Variants in PDE6G observed in about 807,000 individuals in gnomAD.
The protein encoded by PDE6G is phosphodiesterase 6G, also known as rod cGMP 3',5'-cyclic phosphodiesterase subunit gamma.
In PDE6G, 10 loss-of-function variants were observed where a neutral mutation model predicts 10.9. That is an observed-to-expected ratio of 0.91 (90% confidence interval 0.56 to 1.55). PDE6G has a LOEUF of 1.55. Ranked by LOEUF, PDE6G falls within the 40% of genes most tolerant of loss-of-function variation. The pLI is 0.00. For missense variants in PDE6G, 102 were observed against 110.1 expected, an observed-to-expected ratio of 0.93 and a Z score of 0.33; for synonymous variants, 41 against 42.8, an observed-to-expected ratio of 0.96 and a Z score of 0.16.
In PDE6G at chr17:81,653,814, T is replaced by G. The variant is rs2036406610; in HGVS notation, c.-59-450A>C. ...ACTGCTACTCTGGGTTTTTTTTTGT[T>G]TTGTTTTGTTTTTGAGACAGAGTTT... On this transcript the variant is annotated intron_variant, in intron 1 of 3. Transcript: ENST00000331056. This position sits in a 1 kb window ranked among gnomAD's most constrained non-coding sequence, Gnocchi z 5.2. 1 of 163,062 alleles carries G rather than the reference T, an allele frequency of 6.1e-6. No individual in the cohort carries two copies. The highest frequency in any genetic ancestry group is 2.4e-5 in the African/African-American group (1 of 41,600). The allele number at this position is 163,062 out of a possible 1,614,324, so 10.1% of individuals were successfully genotyped here.
intron 1 of PDE6G, among the ~76,000 whole-genome samples, chr17:81,655,425 G>T (rs1313145667): frequency 6.6e-6 from 1 of 152,246 alleles, no homozygotes; most frequent in Non-Finnish European, 1.5e-5. Flanking sequence ...TCGGGGAGCA[G>T]GGTCACCCGC....
chr17:81,654,866 G>T (rs2036422791), intron 1 of PDE6G, among the ~76,000 whole-genome samples: 1 of 151,556 alleles, frequency 6.6e-6, no homozygotes, highest in Non-Finnish European at 1.5e-5. Flanking sequence ...TCCTGCCTCA[G>T]CCTCCCCAGT....
At chr17:81,659,382 T>C (rs1458833274), upstream of PDE6G, among the ~76,000 whole-genome samples, 1 of 152,022 alleles carries the variant, frequency 6.6e-6, no homozygotes, top group Non-Finnish European at 1.5e-5. Flanking sequence ...CTGGACCACC[T>C]GAGGTCAGGA....
intron 1 of PDE6G, among the ~76,000 whole-genome samples, chr17:81,662,415 G>C (rs2036520847): frequency 6.6e-6 from 1 of 152,176 alleles, no homozygotes; most frequent in Non-Finnish European, 1.5e-5. Context: ...TTGAGGTCAG[G>C]AGTTGGAGAC....
At chr17:81,652,765 G>A (rs1380242088) in intron 2 of PDE6G, among the ~76,000 whole-genome samples, 1 of 91,120 alleles carries the variant, frequency 1.1e-5, no homozygotes, top group African/African-American at 4.7e-5. Flanking sequence ...AGTAGAGACA[G>A]GTTTCTCCAT....
chr17:81,654,379 C>CTTTT lies in PDE6G; in HGVS notation c.-59-1019_-59-1016dup, dbSNP rs11431043. On this transcript the variant is annotated intron_variant, in intron 1 of 3. Transcript: ENST00000331056. ...TCTCCCGGGCTGTTGCCCTCTGATT[C>CTTTT]TTTTTTTTTTTTTTTTTTGAGACAG... Among the ~76,000 whole-genome samples the CTTTT allele has an allele frequency of 4.7e-5, 6 of 128,420 alleles. 1 individual carries two copies. The highest frequency in any genetic ancestry group is 4.7e-4 in the East Asian group (2 of 4,292). 84.2% of individuals were successfully genotyped at this position (128,420 alleles called of 152,430 possible).
Position 81,651,755 on chromosome 17 carries a change from C to G in PDE6G, c.147-70G>C, listed in dbSNP as rs2036360010. 6.6e-6 allele frequency: 10 copies of G among 1,512,442 alleles called. No individual in the cohort carries two copies. Among genetic ancestry groups the G allele is most frequent in the Non-Finnish European group, 9.1e-6 (10 of 1,096,056 alleles). The allele number at this position is 1,512,442 out of a possible 1,614,324, so 93.7% of individuals were successfully genotyped here. A position where few individuals can be genotyped will look rare whatever the true frequency, so the allele number is the denominator to read the frequency against. On this transcript the variant is annotated intron_variant, in intron 2 of 3. Transcript: ENST00000331056. The surrounding 1 kb of genome is among the most constrained non-coding windows in gnomAD (Gnocchi z 4.8). Reference sequence around the variant, plus strand: ...GCTCAGTCAGCCTGAGGCCCGAGGTCATCTCTAGCCTTCCTAGGAGATGAG... The same window carrying G: ...GCTCAGTCAGCCTGAGGCCCGAGGTGATCTCTAGCCTTCCTAGGAGATGAG...
chr17:81,658,702 G>A (rs995788645), upstream of PDE6G, among the ~76,000 whole-genome samples: 1 of 151,770 alleles, frequency 6.6e-6, no homozygotes, highest in Admixed American at 6.6e-5. Flanking sequence ...TTAGCTGGGC[G>A]TGGTGGCATG....
At position 81,650,940 on chromosome 17, in the gene PDE6G, C is replaced by T; in HGVS notation, c.*134G>A. On this transcript the variant is annotated 3_prime_UTR_variant, in exon 4 of 4. Transcript: ENST00000331056. ...CTGGTATTAATATGTAGGGGGAGACCTGAGGTTGCAGTCCCATCCTGGTGT... is the reference window on the plus strand; with the variant it reads ...CTGGTATTAATATGTAGGGGGAGACTTGAGGTTGCAGTCCCATCCTGGTGT... 1 of 728,820 alleles carries T rather than the reference C, an allele frequency of 1.4e-6. No individual in the cohort carries two copies. Among genetic ancestry groups the T allele is most frequent in the Non-Finnish European group, 2.5e-6 (1 of 396,122 alleles). The allele number at this position is 728,820 out of a possible 1,614,324, so 45.1% of individuals were successfully genotyped here.
Position 81,651,509 on chromosome 17 carries a change from G to A in PDE6G, c.187+136C>T, listed in dbSNP as rs1261350335. The A allele has an allele frequency of 1.3e-6, 1 of 771,916 alleles. No homozygotes were observed. The highest frequency in any genetic ancestry group is 2.3e-6 in the Non-Finnish European group (1 of 438,332). The allele number at this position is 771,916 out of a possible 1,614,324, so 47.8% of individuals were successfully genotyped here. A position where few individuals can be genotyped will look rare whatever the true frequency, so the allele number is the denominator to read the frequency against. On this transcript the variant is annotated intron_variant, in intron 3 of 3. Coordinates refer to ENST00000331056, the MANE Select transcript of PDE6G (RefSeq NM_002602.4). The surrounding 1 kb of genome is among the most constrained non-coding windows in gnomAD (Gnocchi z 4.8). The stretch of plus-strand genomic sequence containing the variant: ...GGAGCTCAGTGTTGGGGGAAGAAGT[G>A]ATGGACAGGCTGGGGGTCCCTAAGT...
upstream of PDE6G, among the ~76,000 whole-genome samples, chr17:81,657,676 C>T (rs1007487370): frequency 4.0e-5 from 6 of 151,536 alleles, no homozygotes; most frequent in African/African-American, 1.5e-4. Flanking sequence ...GTCAGGAGAT[C>T]GAGACCATCC....
rs902877500 is a variant in PDE6G at position 81,651,626 on chromosome 17, G to C, written c.187+19C>G. The C allele has an allele frequency of 6.2e-7, 1 of 1,613,418 alleles. No individual in the cohort carries two copies. The highest frequency in any genetic ancestry group is 8.5e-7 in the Non-Finnish European group (1 of 1,179,478). ...GGGGACCTGGGCAGACCTCGGGTTG[G>C]TACTGGCAGCCGTCATACCTGTTCC... On this transcript the variant is annotated intron_variant, in intron 3 of 3. Coordinates refer to ENST00000331056, the MANE Select transcript of PDE6G (RefSeq NM_002602.4). This position sits in a 1 kb window ranked among gnomAD's most constrained non-coding sequence, Gnocchi z 4.8.
chr17:81,652,286 T>A (rs1248745373), intron 2 of PDE6G, among the ~76,000 whole-genome samples: 3 of 152,156 alleles, frequency 2.0e-5, no homozygotes, highest in Non-Finnish European at 2.9e-5. Context: ...GTATTTTTTT[T>A]ATTTATTTGA....
At chr17:81,661,314 C>T (rs1328041034), upstream of PDE6G, among the ~76,000 whole-genome samples, 3 of 152,140 alleles carry the variant, frequency 2.0e-5, no homozygotes, top group Non-Finnish European at 2.9e-5. Context: ...TCAGCCTTGG[C>T]GGTTGAGGCT....
Position 81,653,187 on chromosome 17 carries a change from C to T in PDE6G, c.119G>A (p.Ser40Asn). The stretch of plus-strand genomic sequence containing the variant: ...TTGAACGCCTTTCTTTGGGGGCTTG[C>T]TCTTGAACTGCCTGGTCTGTCGCTG... The part of the protein sequence containing the change: ...FKQRQTRQFK[S>N]KPPKKGVQGF... Residue 40 changes from serine to asparagine, a missense_variant, in exon 2 of 4, where the codon AGC becomes AAC. Transcript: ENST00000331056. This position sits in a 1 kb window ranked among gnomAD's most constrained non-coding sequence, Gnocchi z 5.2. 3.1e-6 allele frequency: 5 copies of T among 1,614,114 alleles called. No individual in the cohort carries two copies. Among genetic ancestry groups the T allele is most frequent in the Non-Finnish European group, 4.2e-6 (5 of 1,180,010 alleles).
At chr17:81,660,322 G>T (rs2036498356), upstream of PDE6G, among the ~76,000 whole-genome samples, 1 of 152,106 alleles carries the variant, frequency 6.6e-6, no homozygotes, top group Non-Finnish European at 1.5e-5. Context: ...TGAGGCAGGA[G>T]AATTTTTTGA....
At chr17:81,661,294 G>A (rs1299173859), upstream of PDE6G, among the ~76,000 whole-genome samples, 3 of 152,256 alleles carry the variant, frequency 2.0e-5, no homozygotes, top group Non-Finnish European at 4.4e-5. Flanking sequence ...GCTAAGATGG[G>A]AAGATCACTT....
At chr17:81,656,936 AC>A, upstream of PDE6G, 1 of 339,984 alleles carries the variant, frequency 2.9e-6, no homozygotes, top group Non-Finnish European at 5.6e-6. Context: ...CACCCCTCCC[AC>A]CCCAGGGCCT....
chr17:81,656,727 G>A, upstream of PDE6G: 1 of 675,688 alleles, frequency 1.5e-6, no homozygotes, highest in Non-Finnish European at 2.7e-6. Context: ...GATGGGGCCG[G>A]GACAGGGAGA....
Sources: allele counts gnomAD v4.1 joint callset (sites outside exome capture counted in the v4.1 genomes callset), GRCh38; gene constraint gnomAD v4.1.1; non-coding constraint Gnocchi (gnomAD v3.1); transcripts MANE v1.5; gene names NCBI Gene and HGNC (gene_info 2026-07-23, HGNC 2026-07-21).